SHISA9: variants seen among roughly 807,000 people sequenced by gnomAD.
SHISA9 encodes protein shisa-9.
Under a neutral mutation model 38.0 loss-of-function variants are expected in SHISA9, and 13 were observed. The observed-to-expected ratio is 0.34, with a 90% CI of 0.22 to 0.54. The LOEUF (loss-of-function observed/expected upper bound fraction) is 0.54, where lower values mean the gene tolerates loss of function less well. SHISA9 is among the 20% of genes least tolerant of loss of function. The pLI is 0.91. For missense variants in SHISA9, 538 were observed against 575.8 expected (o/e 0.93, Z 0.67); for synonymous variants, 275 against 242.0 (o/e 1.14, Z -1.27).
chr16:13,085,029 G>C (rs1169883115), intron 2 of SHISA9, among the ~76,000 whole-genome samples: 1 of 152,152 alleles, frequency 6.6e-6, no homozygotes, highest in Non-Finnish European at 1.5e-5. Context: ...GTGAAGGTAA[G>C]CAGGAAGGTG....
intron 2 of SHISA9, among the ~76,000 whole-genome samples, chr16:13,167,565 T>C (rs73522627): frequency 0.028 from 4,306 of 152,204 alleles, 181 homozygotes; most frequent in African/African-American, 0.092. Context: ...TGAGAGGTGA[T>C]TGGATGATGG....
intron 2 of SHISA9, among the ~76,000 whole-genome samples, chr16:13,119,890 T>G (rs1000775140): frequency 5.9e-5 from 9 of 152,248 alleles, no homozygotes; most frequent in Admixed American, 6.5e-5. Flanking sequence ...AGCTGTCATC[T>G]AAGTCCACCT....
chr16:13,294,330 A>G, the SHISA9 span, among the ~76,000 whole-genome samples: 1 of 152,202 alleles, frequency 6.6e-6, no homozygotes, highest in Non-Finnish European at 1.5e-5. Context: ...ATACGTCTGC[A>G]AATCAGCTGG....
intron 2 of SHISA9, among the ~76,000 whole-genome samples, chr16:13,136,632 T>G (rs1283414910): frequency 6.6e-6 from 1 of 152,106 alleles, no homozygotes; most frequent in East Asian, 1.9e-4. Context: ...ACTCCTGACC[T>G]CAGGTGATCC....
At chr16:12,987,210 G>A (rs938251442) in intron 2 of SHISA9, among the ~76,000 whole-genome samples, 1 of 152,136 alleles carries the variant, frequency 6.6e-6, no homozygotes, top group Non-Finnish European at 1.5e-5. Context: ...TCTATACCAA[G>A]TTTGCAGTTT....
At chr16:13,188,798 A>C (rs1277671938) in intron 2 of SHISA9, among the ~76,000 whole-genome samples, 1 of 152,056 alleles carries the variant, frequency 6.6e-6, no homozygotes, top group Non-Finnish European at 1.5e-5. Context: ...AAGGAAGAAA[A>C]GGAAAAGGAA....
At chr16:12,938,662 T>A (rs1309840086) in intron 2 of SHISA9, among the ~76,000 whole-genome samples, 1 of 151,938 alleles carries the variant, frequency 6.6e-6, no homozygotes, top group African/African-American at 2.4e-5. Context: ...CACGCCCAGC[T>A]AATTTTTTTT....
chr16:13,332,505 G>A, the SHISA9 span: 1 of 152,208 alleles, frequency 6.6e-6, no homozygotes, highest in Non-Finnish European at 1.5e-5. Context: ...TTGGCTAGAG[G>A]AGGCCCCATC....
intron 2 of SHISA9, among the ~76,000 whole-genome samples, chr16:13,018,233 C>T (rs77710935): frequency 0.029 from 4,439 of 152,284 alleles, 203 homozygotes; most frequent in African/African-American, 0.1. Flanking sequence ...CTACTGCTGG[C>T]GTGGCTTCCC....
At chr16:12,930,221 A>C (rs2071445859) in intron 2 of SHISA9, among the ~76,000 whole-genome samples, 1 of 152,232 alleles carries the variant, frequency 6.6e-6, no homozygotes, top group Non-Finnish European at 1.5e-5. Flanking sequence ...AGATGGAATA[A>C]ATGCTGTCAA....
chr16:13,228,041 G>A (rs1429701336), intron 4 of SHISA9, among the ~76,000 whole-genome samples: 1 of 152,210 alleles, frequency 6.6e-6, no homozygotes, highest in Non-Finnish European at 1.5e-5. Context: ...TGTAGCAGGT[G>A]TATCTCATGC....
chr16:13,487,154 G>A, the SHISA9 span, among the ~76,000 whole-genome samples: 2 of 152,150 alleles, frequency 1.3e-5, no homozygotes, highest in Non-Finnish European at 2.9e-5. Flanking sequence ...ATCTGAGAGG[G>A]ATTTGTTCCA....
At chr16:13,450,819 G>A in the SHISA9 span, among the ~76,000 whole-genome samples, 2 of 152,148 alleles carry the variant, frequency 1.3e-5, no homozygotes, top group Non-Finnish European at 2.9e-5. Flanking sequence ...ACATGTGCTA[G>A]CGATCTGCCC....
At chr16:13,512,802 C>T in the SHISA9 span, among the ~76,000 whole-genome samples, 1 of 152,102 alleles carries the variant, frequency 6.6e-6, no homozygotes, top group African/African-American at 2.4e-5. Flanking sequence ...AACTGGCTAG[C>T]CATATGCAGA....
chr16:13,380,908 G>C, the SHISA9 span, among the ~76,000 whole-genome samples: 4 of 150,732 alleles, frequency 2.7e-5, no homozygotes, highest in Non-Finnish European at 4.4e-5. Flanking sequence ...GCATGAGTGA[G>C]AACATGTAGT....
chr16:13,341,987 C>T, the SHISA9 span, among the ~76,000 whole-genome samples: 1 of 152,168 alleles, frequency 6.6e-6, no homozygotes, highest in Non-Finnish European at 1.5e-5. Context: ...CTCCTTCTCA[C>T]AGTCAAATCC....
intron 2 of SHISA9, among the ~76,000 whole-genome samples, chr16:13,091,650 C>T (rs2073776331): frequency 6.6e-6 from 1 of 152,184 alleles, no homozygotes; most frequent in South Asian, 2.1e-4. Flanking sequence ...TCAGCTCCAT[C>T]AGGTTATTTA....
chr16:13,049,353 G>T (rs559817140), intron 2 of SHISA9, among the ~76,000 whole-genome samples: 19 of 152,158 alleles, frequency 1.2e-4, no homozygotes, highest in African/African-American at 4.6e-4. Context: ...ACCAGATGAC[G>T]TAGGATTCAT....
the SHISA9 span, among the ~76,000 whole-genome samples, chr16:13,434,419 G>GTTTTTTCTTTTTTTTTTT: frequency 1.5e-5 from 1 of 64,566 alleles, no homozygotes; most frequent in Non-Finnish European, 3.2e-5. Flanking sequence ...GACAAGCTAT[G>GTTTTTTCTTTTTTTTTTT]TTTTTTTTTT....
Sources: gnomAD v4.1 joint callset for allele counts (sites outside exome capture counted in the v4.1 genomes callset) on GRCh38, gnomAD v4.1.1 for gene constraint, MANE v1.5 for transcripts, NCBI Gene and HGNC (gene_info 2026-07-23, HGNC 2026-07-21) for gene names.